PIK3C2G: variants seen among roughly 807,000 people sequenced by gnomAD.
The protein encoded by PIK3C2G is phosphatidylinositol-4-phosphate 3-kinase catalytic subunit type 2 gamma, also known as phosphatidylinositol 3-kinase C2 domain-containing subunit gamma.
A neutral mutation model predicts 181.1 loss-of-function variants in PIK3C2G; 168 were observed. The observed-to-expected ratio is 0.93, with a 90% CI of 0.82 to 1.05. PIK3C2G has a LOEUF of 1.05. PIK3C2G is among the 50% of genes least tolerant of loss of function. The pLI, the probability that PIK3C2G is intolerant of heterozygous loss-of-function variation, is 0.00. For synonymous variants in PIK3C2G, 573 were observed against 592.2 expected (o/e 0.97, Z 0.47); for missense variants, 1,869 against 1,732.8 (o/e 1.08, Z -1.40).
chr12:18,308,241 C>G (rs541807888), intron 5 of PIK3C2G, among the ~76,000 whole-genome samples: 1 of 151,728 alleles, frequency 6.6e-6, no homozygotes, highest in Non-Finnish European at 1.5e-5. Context: ...TAAAAAACAG[C>G]AGAGATTTAA....
intron 1 of PIK3C2G, among the ~76,000 whole-genome samples, chr12:18,248,940 C>A (rs1948069053): frequency 1.3e-5 from 2 of 152,116 alleles, no homozygotes. Context: ...ATTTCTCTGA[C>A]CCTGTAAGGT....
At chr12:18,678,467 T>C in the PIK3C2G span, among the ~76,000 whole-genome samples, 1 of 151,992 alleles carries the variant, frequency 6.6e-6, no homozygotes, top group Non-Finnish European at 1.5e-5. Context: ...AACACTTCCA[T>C]CCATGCCAAA....
At chr12:18,668,175 GA>G in the PIK3C2G span, among the ~76,000 whole-genome samples, 2 of 151,960 alleles carry the variant, frequency 1.3e-5, no homozygotes, top group East Asian at 1.9e-4. Context: ...AATTTAAAAA[GA>G]AAAAAAGTCC....
chr12:18,399,217 AT>A (rs1172824346), intron 15 of PIK3C2G, among the ~76,000 whole-genome samples: 1 of 150,112 alleles, frequency 6.7e-6, no homozygotes, highest in Non-Finnish European at 1.5e-5. Context: ...AAAATATGCC[AT>A]TTTTTCACAG....
intron 22 of PIK3C2G, among the ~76,000 whole-genome samples, chr12:18,502,804 G>A (rs1459715578): frequency 6.6e-6 from 1 of 152,138 alleles, no homozygotes; most frequent in Non-Finnish European, 1.5e-5. Flanking sequence ...GTTCACTCCC[G>A]CAAATGTAAC....
At chr12:18,284,827 T>C (rs1290309808) in intron 2 of PIK3C2G, among the ~76,000 whole-genome samples, 1 of 151,902 alleles carries the variant, frequency 6.6e-6, no homozygotes. Context: ...TTAGCCAAAC[T>C]GAAGTACAGA....
At chr12:18,658,578 A>C in the PIK3C2G span, among the ~76,000 whole-genome samples, 14 of 152,160 alleles carry the variant, frequency 9.2e-5, no homozygotes, top group Non-Finnish European at 1.9e-4. Context: ...ATATTTGATA[A>C]AAACTATTTT....
chr12:18,609,611 GA>G lies in PIK3C2G; in HGVS notation c.4167del (p.Lys1389AsnfsTer3). 1 of 1,563,952 alleles carries G rather than the reference GA, an allele frequency of 6.4e-7. No homozygotes were observed. Among genetic ancestry groups the G allele is most frequent in the Non-Finnish European group, 8.7e-7 (1 of 1,147,824 alleles). On this transcript the variant is annotated frameshift_variant, in exon 31 of 33. Transcript: ENST00000538779. LOFTEE classifies it high-confidence loss of function. The part of the protein sequence containing the change: ...YEDVKLTILV[K>X]HMKNIHLPDG... ...AGGATGTGAAGCTGACCATACTAGT[GA>G]AACACATGAAAAACATTGTAAGTTT...
intron 18 of PIK3C2G, among the ~76,000 whole-genome samples, chr12:18,431,891 C>T (rs1565715840): frequency 6.6e-6 from 1 of 152,152 alleles, no homozygotes; most frequent in Non-Finnish European, 1.5e-5. Context: ...GAATCCCTAC[C>T]TTCAGCAACT....
At chr12:18,575,118 T>C (rs1209197853) in intron 29 of PIK3C2G, among the ~76,000 whole-genome samples, 1 of 152,090 alleles carries the variant, frequency 6.6e-6, no homozygotes, top group African/African-American at 2.4e-5. Flanking sequence ...AGAGAAAACC[T>C]GAGCTGTCAA....
chr12:18,512,059 T>C (rs1412710696), intron 24 of PIK3C2G, among the ~76,000 whole-genome samples: 1 of 152,108 alleles, frequency 6.6e-6, no homozygotes, highest in African/African-American at 2.4e-5. Context: ...ACACAATTTA[T>C]TGAAAGACTG....
chr12:18,308,351 T>C (rs2137358104), intron 5 of PIK3C2G, among the ~76,000 whole-genome samples: 1 of 151,874 alleles, frequency 6.6e-6, no homozygotes, highest in Non-Finnish European at 1.5e-5. Flanking sequence ...AATGTAAAAA[T>C]AGACATTCTC....
chr12:18,428,921 G>A (rs1343948878), intron 18 of PIK3C2G, among the ~76,000 whole-genome samples: 1 of 151,932 alleles, frequency 6.6e-6, no homozygotes, highest in Non-Finnish European at 1.5e-5. Context: ...TAAATGTAGT[G>A]CCCCTTTCCA....
chr12:18,640,555 G>A lies in PIK3C2G; in HGVS notation c.4308+1G>A, dbSNP rs1949793658. ...TACGGACCCCACTTACAATGAAATT[G>A]TAAGTATAAGTCACCTTTTGTCCAG... On this transcript the variant is annotated splice_donor_variant, in intron 32 of 32. Transcript: ENST00000538779. LOFTEE classifies it high-confidence loss of function. The A allele has an allele frequency of 1.9e-6, 3 of 1,590,582 alleles. No homozygotes were observed. In the South Asian group the frequency reaches 3.4e-5, roughly 18 times the overall value.
the PIK3C2G span, among the ~76,000 whole-genome samples, chr12:18,713,196 C>T: frequency 2.0e-4 from 31 of 152,156 alleles, 1 homozygote; most frequent in African/African-American, 6.0e-4. Context: ...TAGTACAATA[C>T]TGTGTCTTTC....
chr12:18,560,886 G>A (rs1412294728), intron 26 of PIK3C2G, among the ~76,000 whole-genome samples: 1 of 152,202 alleles, frequency 6.6e-6, no homozygotes, highest in Non-Finnish European at 1.5e-5. Flanking sequence ...CTTTAAGCAT[G>A]TAGGCAGGAA....
intron 9 of PIK3C2G, among the ~76,000 whole-genome samples, chr12:18,339,672 T>G (rs1938936406): frequency 6.6e-6 from 1 of 152,182 alleles, no homozygotes; most frequent in Non-Finnish European, 1.5e-5. Context: ...TGCTTATTGT[T>G]TCAAATAGAT....
intron 18 of PIK3C2G, among the ~76,000 whole-genome samples, chr12:18,424,324 T>A (rs912203658): frequency 6.6e-6 from 1 of 152,166 alleles, no homozygotes; most frequent in Non-Finnish European, 1.5e-5. Context: ...ACAAGTGCAA[T>A]TTGTATATCT....
intron 30 of PIK3C2G, among the ~76,000 whole-genome samples, chr12:18,606,615 CAAAT>C (rs2136572725): frequency 6.6e-6 from 1 of 152,020 alleles, no homozygotes; most frequent in Admixed American, 6.6e-5. Flanking sequence ...ATAAATTATT[CAAAT>C]AAACATGTAG....
Sources: gnomAD v4.1 joint callset for allele counts (sites outside exome capture counted in the v4.1 genomes callset) on GRCh38, gnomAD v4.1.1 for gene constraint, MANE v1.5 for transcripts, NCBI Gene and HGNC (gene_info 2026-07-23, HGNC 2026-07-21) for gene names.